PBX1: variants seen among roughly 807,000 people sequenced by gnomAD.
PBX1 encodes the protein pre-B-cell leukemia transcription factor 1.
Under a neutral mutation model 53.4 loss-of-function variants are expected in PBX1, and 6 were observed. That is an observed-to-expected ratio of 0.11 (90% CI 0.06 to 0.22). PBX1 has a LOEUF of 0.22. PBX1 is among the 10% of genes least tolerant of loss of function. PBX1 has a pLI of 1.00. For missense variants in PBX1, 251 were observed against 551.4 expected (o/e 0.46, Z 5.46); for synonymous variants, 204 against 212.3 (o/e 0.96, Z 0.34).
intron 2 of PBX1, among the ~76,000 whole-genome samples, chr1:164,745,183 G>A (rs1665828152): frequency 6.6e-6 from 1 of 152,098 alleles, no homozygotes. Context: ...AGGAAGTTTA[G>A]ACTATATAGT....
At chr1:164,794,790 A>G (rs777229108) in intron 3 of PBX1, among the ~76,000 whole-genome samples, 10 of 152,216 alleles carry the variant, frequency 6.6e-5, no homozygotes, top group Admixed American at 1.3e-4. Flanking sequence ...GTCCTCTGGC[A>G]TAGCAAGCTG....
chr1:164,662,740 T>C (rs1238612089), intron 2 of PBX1, among the ~76,000 whole-genome samples: 3 of 152,194 alleles, frequency 2.0e-5, no homozygotes, highest in Admixed American at 1.3e-4. Flanking sequence ...GCCTAGAGTT[T>C]GGTAGCTTCG....
chr1:164,784,150 C>G (rs1668060412), intron 2 of PBX1, among the ~76,000 whole-genome samples: 1 of 152,204 alleles, frequency 6.6e-6, no homozygotes, highest in South Asian at 2.1e-4. Flanking sequence ...GGCCTTCTGT[C>G]TTTCCGATGG....
chr1:164,812,901 A>G (rs1014024064), intron 6 of PBX1: 1 of 152,176 alleles, frequency 6.6e-6, no homozygotes, highest in African/African-American at 2.4e-5. Context: ...TTTGTATGCT[A>G]TGGAAGGCAT....
chr1:164,756,705 G>C (rs560423970), intron 2 of PBX1, among the ~76,000 whole-genome samples: 1 of 152,178 alleles, frequency 6.6e-6, no homozygotes, highest in Admixed American at 6.5e-5. Context: ...ACTAAGTTTA[G>C]TGTTTATAAA....
At chr1:164,783,811 G>A (rs1413100864) in intron 2 of PBX1, among the ~76,000 whole-genome samples, 2 of 152,122 alleles carry the variant, frequency 1.3e-5, no homozygotes, top group Admixed American at 6.5e-5. Context: ...AAATGTGGTA[G>A]GACAAGGAAA....
intron 6 of PBX1, chr1:164,816,293 C>T (rs1669877151): frequency 6.6e-6 from 1 of 152,106 alleles, no homozygotes; most frequent in Non-Finnish European, 1.5e-5. Context: ...AATGGAAAAG[C>T]AAGCATGCAT....
chr1:164,608,713 C>G (rs1194708383), intron 2 of PBX1, among the ~76,000 whole-genome samples: 1 of 152,152 alleles, frequency 6.6e-6, no homozygotes, highest in Non-Finnish European at 1.5e-5. Flanking sequence ...ATGGGCATCT[C>G]TAGTCACAAA....
At chr1:164,844,938 A>C (rs1671494822) in intron 8 of PBX1, among the ~76,000 whole-genome samples, 1 of 152,196 alleles carries the variant, frequency 6.6e-6, no homozygotes, top group Non-Finnish European at 1.5e-5. Context: ...CAACAGAGAA[A>C]AGGAGTGAGA....
intron 2 of PBX1, among the ~76,000 whole-genome samples, chr1:164,785,144 T>G (rs1668113441): frequency 6.6e-6 from 1 of 152,184 alleles, no homozygotes; most frequent in Admixed American, 6.5e-5. Context: ...CTGGAAGGTG[T>G]CAACTCGGGT....
chr1:164,654,246 T>C (rs909759917), intron 2 of PBX1, among the ~76,000 whole-genome samples: 3 of 152,192 alleles, frequency 2.0e-5, no homozygotes, highest in Non-Finnish European at 2.9e-5. Context: ...CCCTTACTTA[T>C]AATGTAGTGC....
Position 164,846,999 on chromosome 1 carries a change from T to C in PBX1, c.*323T>C. On this transcript the variant is annotated 3_prime_UTR_variant, in exon 9 of 9. Transcript: ENST00000420696. ...CGCCCTCTCTCATATCACTGAAGGA[T>C]ATTTTCAACAATTAGAGGAATTTAA... The C allele has an allele frequency of 8.5e-7, 1 of 1,172,564 alleles. No individual in the cohort carries two copies. Among genetic ancestry groups the C allele is most frequent in the Middle Eastern group, 3.5e-4 (1 of 2,852 alleles). The allele number at this position is 1,172,564 out of a possible 1,614,324, so 72.6% of individuals were successfully genotyped here.
intron 2 of PBX1, among the ~76,000 whole-genome samples, chr1:164,583,642 T>C (rs1451050135): frequency 1.3e-5 from 2 of 152,204 alleles, no homozygotes; most frequent in African/African-American, 4.8e-5. Flanking sequence ...ATGAAGAGTA[T>C]AAAAAGCAAA....
intron 4 of PBX1, among the ~76,000 whole-genome samples, chr1:164,806,387 G>A (rs867586411): frequency 6.6e-6 from 1 of 152,078 alleles, no homozygotes; most frequent in Admixed American, 6.5e-5. Flanking sequence ...AGCTGTTCTT[G>A]CTTAAGAAGT....
intron 2 of PBX1, among the ~76,000 whole-genome samples, chr1:164,777,690 A>G (rs1187676685): frequency 6.6e-6 from 1 of 152,206 alleles, no homozygotes; most frequent in African/African-American, 2.4e-5. Context: ...CTGGATAACT[A>G]CCTGTCTGAT....
chr1:164,806,538 T>C (rs1347331057), intron 4 of PBX1, among the ~76,000 whole-genome samples: 1 of 152,182 alleles, frequency 6.6e-6, no homozygotes, highest in Admixed American at 6.5e-5. Context: ...TAACTTATTT[T>C]TAACTTATGG....
At chr1:164,680,776 A>C (rs1420459419) in intron 2 of PBX1, 1 of 152,224 alleles carries the variant, frequency 6.6e-6, no homozygotes, top group Non-Finnish European at 1.5e-5. Context: ...TGTAGAATAA[A>C]TCTATTGCTC....
At chr1:164,865,214 A>T (rs994213403) in intron 2 of PBX1, among the ~76,000 whole-genome samples, 1 of 152,188 alleles carries the variant, frequency 6.6e-6, no homozygotes, top group African/African-American at 2.4e-5. Context: ...TTGCTCAAGG[A>T]AGTACCTGGC....
intron 2 of PBX1, among the ~76,000 whole-genome samples, chr1:164,605,837 C>T (rs1235653897): frequency 1.3e-5 from 2 of 152,108 alleles, no homozygotes; most frequent in Non-Finnish European, 2.9e-5. Context: ...ATACTCTGCT[C>T]AAAAATAGGT....
Sources: gnomAD v4.1 joint callset for allele counts (sites outside exome capture counted in the v4.1 genomes callset) on GRCh38, gnomAD v4.1.1 for gene constraint, MANE v1.5 for transcripts, NCBI Gene and HGNC (gene_info 2026-07-23, HGNC 2026-07-21) for gene names.